Variants in CD2AP observed in about 807,000 individuals in gnomAD.
The protein encoded by CD2AP is CD2-associated protein.
In CD2AP, 46 loss-of-function variants were observed where a neutral mutation model predicts 85.1. The observed-to-expected ratio is 0.54, with a 90% CI of 0.43 to 0.69. The LOEUF is 0.69. Among genes scored for constraint, CD2AP ranks in the 30% least tolerant of loss-of-function variants. The probability of loss-of-function intolerance (pLI) is 0.00; values close to 1 mark genes in which losing one functional copy is unlikely to be tolerated. For synonymous variants in CD2AP, 255 were observed against 252.9 expected (o/e 1.01, Z -0.08); for missense variants, 769 against 729.5 (o/e 1.05, Z -0.62).
At chr6:47,495,564 C>G (rs921417742) in intron 1 of CD2AP, among the ~76,000 whole-genome samples, 2 of 152,204 alleles carry the variant, frequency 1.3e-5, no homozygotes, top group Non-Finnish European at 2.9e-5. Flanking sequence ...ATGGCTCCAG[C>G]AGCTTCTACT....
At chr6:47,478,345 G>A in intron 1 of CD2AP, 97 bp downstream of exon 1, 1 of 1,405,558 alleles carries the variant, frequency 7.1e-7, no homozygotes, top group Non-Finnish European at 9.9e-7. Flanking sequence ...ACTGCGGTCA[G>A]CCCCTGAGCG....
At chr6:47,548,834 A>T (rs940978020) in intron 4 of CD2AP, among the ~76,000 whole-genome samples, 1 of 152,206 alleles carries the variant, frequency 6.6e-6, no homozygotes, top group Non-Finnish European at 1.5e-5. Flanking sequence ...ATCCAACAAC[A>T]TATCAAAAAG....
intron 2 of CD2AP, among the ~76,000 whole-genome samples, chr6:47,509,478 A>G (rs1766261810): frequency 6.6e-6 from 1 of 152,170 alleles, no homozygotes; most frequent in Non-Finnish European, 1.5e-5. Flanking sequence ...TGTGCAGTGA[A>G]GCGAAGTGCA....
At chr6:47,610,695 G>A (rs1260969230) in intron 16 of CD2AP, among the ~76,000 whole-genome samples, 1 of 151,536 alleles carries the variant, frequency 6.6e-6, no homozygotes, top group Non-Finnish European at 1.5e-5. Flanking sequence ...TTTAATACAT[G>A]ATGGTATTTC....
intron 8 of CD2AP, among the ~76,000 whole-genome samples, chr6:47,578,194 TAA>T (rs926745269): frequency 1.3e-5 from 2 of 150,980 alleles, no homozygotes; most frequent in Non-Finnish European, 3.0e-5. Flanking sequence ...TCTTGTTAAT[TAA>T]AAAAAAAGAA....
rs756161725 is a variant in CD2AP, at chr6:47,574,243, C to A, written c.721C>A (p.Pro241Thr). The change falls in exon 6 of 18, where the codon CCA becomes ACA. Residue 241 changes from proline to threonine, a missense_variant. Transcript: ENST00000359314. Reference sequence around the variant, plus strand: ...CAGTAGTGAAACAGAAGAGAAAAAACCAGAAAAGGTGGTAATGATGGACTT... The same window carrying A: ...CAGTAGTGAAACAGAAGAGAAAAAAACAGAAAAGGTGGTAATGATGGACTT... ...TSSSETEEKK[P>T]EKPLILQSLG... 33 of 1,613,372 alleles carry A rather than the reference C, an allele frequency of 2.0e-5. No homozygotes were observed. The East Asian group carries it at 3.3e-4, about 16-fold the overall frequency.
chr6:47,565,437 A>AT (rs1266048930), intron 5 of CD2AP, among the ~76,000 whole-genome samples: 1 of 152,046 alleles, frequency 6.6e-6, no homozygotes. Flanking sequence ...TTTTCCCCTT[A>AT]TTTTATGAAA....
At chr6:47,521,565 C>T (rs561001697) in intron 2 of CD2AP, among the ~76,000 whole-genome samples, 3 of 152,112 alleles carry the variant, frequency 2.0e-5, no homozygotes, top group Non-Finnish European at 4.4e-5. Context: ...AAAGAAATGG[C>T]ACAGTAATAG....
intron 9 of CD2AP, 112 bp downstream of exon 9, chr6:47,579,601 A>T: frequency 1.4e-6 from 1 of 702,856 alleles, no homozygotes; most frequent in Middle Eastern, 3.5e-4. Context: ...AAGGAGTTTC[A>T]GATGTAGCTA....
chr6:47,543,148 CAAAAAAAAAA>C (rs11338409), intron 3 of CD2AP, among the ~76,000 whole-genome samples: 4 of 60,322 alleles, frequency 6.6e-5, no homozygotes, highest in African/African-American at 1.4e-4. Flanking sequence ...AAGACTGTCT[CAAAAAAAAAA>C]AAAAAAAAAA....
In CD2AP at chr6:47,617,952, C is replaced by T. The variant is rs947460333; in HGVS notation, c.1878+5416C>T. 5.3e-5 allele frequency among the ~76,000 whole-genome samples: 8 copies of T among 152,278 alleles called. No homozygotes were observed. The East Asian group carries it at 7.7e-4, about 15-fold the overall frequency. On this transcript the variant is annotated intron_variant, in intron 17 of 17. Coordinates refer to ENST00000359314, the MANE Select transcript of CD2AP (RefSeq NM_012120.3). Reference sequence around the variant, plus strand: ...CTTTTGCCTCATCTTCTAATGCCCACGTTCTACAGATTCTCAAGGCCCTGC... The same window carrying T: ...CTTTTGCCTCATCTTCTAATGCCCATGTTCTACAGATTCTCAAGGCCCTGC...
rs947691234 is a variant in CD2AP, at chr6:47,512,112, C to T, written c.165+8672C>T. Among the ~76,000 whole-genome samples, 7 of 151,892 alleles carry T rather than the reference C, an allele frequency of 4.6e-5. No individual in the cohort carries two copies. In the South Asian group the frequency reaches 6.2e-4, roughly 14 times the overall value. On this transcript the variant is annotated intron_variant, in intron 2 of 17. Transcript: ENST00000359314. ...GGCGGAGCTTGCAGTGAGCCGAGAT[C>T]GCGCCACTGCACTCCAGCCTGGGCA...
intron 5 of CD2AP, among the ~76,000 whole-genome samples, chr6:47,558,228 T>A (rs1456277640): frequency 6.6e-6 from 1 of 152,222 alleles, no homozygotes; most frequent in Non-Finnish European, 1.5e-5. Flanking sequence ...GATTTTGGGC[T>A]GAGATGATGG....
In CD2AP at chr6:47,477,974, CG is replaced by C; in HGVS notation, c.-267del. The C allele has an allele frequency of 1.9e-6, 1 of 525,572 alleles. No individual in the cohort carries two copies. The highest frequency in any genetic ancestry group is 3.3e-6 in the Non-Finnish European group (1 of 298,956). 32.6% of individuals were successfully genotyped at this position (525,572 alleles called of 1,614,324 possible). ...GGTGGGAAAACCGCGGTCGGGCGGGCGGGGTAGGGCCCTCCCGCCGCCGTGG... is the reference window on the plus strand; with the variant it reads ...GGTGGGAAAACCGCGGTCGGGCGGGCGGGTAGGGCCCTCCCGCCGCCGTGG... On this transcript the variant is annotated 5_prime_UTR_variant, in exon 1 of 18. Transcript: ENST00000359314.
intron 1 of CD2AP, among the ~76,000 whole-genome samples, chr6:47,497,364 C>G (rs1005567329): frequency 2.0e-5 from 3 of 147,280 alleles, no homozygotes; most frequent in Non-Finnish European, 4.5e-5. Context: ...TCCCCTTCCC[C>G]TTCCCCTTCT....
chr6:47,559,795 G>C (rs1470484505), intron 5 of CD2AP, among the ~76,000 whole-genome samples: 1 of 152,032 alleles, frequency 6.6e-6, no homozygotes. Flanking sequence ...CCTAATTCTT[G>C]TATGGAGCCT....
chr6:47,612,921 A>G (rs9349417), intron 17 of CD2AP, among the ~76,000 whole-genome samples: 40,293 of 152,050 alleles, frequency 0.26, 5,505 homozygotes, highest in African/African-American at 0.31. Flanking sequence ...CAGTCCTCTT[A>G]AACCCTGCCT....
chr6:47,565,280 C>T (rs1767963176), intron 5 of CD2AP, among the ~76,000 whole-genome samples: 1 of 152,102 alleles, frequency 6.6e-6, no homozygotes, highest in African/African-American at 2.4e-5. Flanking sequence ...TCAGGGAAAG[C>T]ATTGCTTTGC....
intron 4 of CD2AP, among the ~76,000 whole-genome samples, chr6:47,547,144 A>G (rs976074835): frequency 2.6e-5 from 4 of 152,108 alleles, no homozygotes; most frequent in African/African-American, 9.7e-5. Context: ...AAAACAAAAA[A>G]ACTCAGGTAT....
Sources: gnomAD v4.1 joint callset for allele counts (sites outside exome capture counted in the v4.1 genomes callset) on GRCh38, gnomAD v4.1.1 for gene constraint, MANE v1.5 for transcripts, NCBI Gene and HGNC (gene_info 2026-07-23, HGNC 2026-07-21) for gene names.